Variants in KDM4B observed in about 807,000 individuals in gnomAD.
KDM4B encodes lysine-specific demethylase 4B.
A neutral mutation model predicts 125.2 loss-of-function variants in KDM4B; 32 were observed. That is an observed-to-expected ratio of 0.26 (90% CI 0.19 to 0.34). The LOEUF is 0.34. KDM4B is among the 10% of genes least tolerant of loss of function. The pLI is 1.00. For synonymous variants in KDM4B, 721 were observed against 677.9 expected, an observed-to-expected ratio of 1.06 and a Z score of -0.99; for missense variants, 1,190 against 1,577.7, an observed-to-expected ratio of 0.75 and a Z score of 4.16.
At chr19:5,044,354 G>A (rs541866683) in intron 5 of KDM4B, among the ~76,000 whole-genome samples, 51 of 90,432 alleles carry the variant, frequency 5.6e-4, no homozygotes, top group African/African-American at 2.0e-3. Context: ...GGTGTTTATC[G>A]GAGTGGGGTG....
At chr19:5,093,984 G>T (rs902473497) in intron 9 of KDM4B, among the ~76,000 whole-genome samples, 7 of 152,234 alleles carry the variant, frequency 4.6e-5, no homozygotes, top group Non-Finnish European at 1.0e-4. Flanking sequence ...CAGTTCTGGA[G>T]GCAGAGGCTG....
At chr19:5,022,957 A>G (rs1245223269) in intron 2 of KDM4B, among the ~76,000 whole-genome samples, 1 of 152,096 alleles carries the variant, frequency 6.6e-6, no homozygotes, top group Non-Finnish European at 1.5e-5. Context: ...TGGTGGACTG[A>G]ATGATGGTCC....
At chr19:5,051,798 G>A (rs924603163) in intron 6 of KDM4B, among the ~76,000 whole-genome samples, 3 of 152,368 alleles carry the variant, frequency 2.0e-5, no homozygotes, top group Middle Eastern at 3.4e-3. Flanking sequence ...ACCTGCCCAT[G>A]ACCCGCGGCA....
chr19:5,107,980 G>T (rs1358592220), intron 9 of KDM4B, among the ~76,000 whole-genome samples: 1 of 152,218 alleles, frequency 6.6e-6, no homozygotes, highest in Non-Finnish European at 1.5e-5. Context: ...CCTCCTTCCA[G>T]TCCAGCCGTG....
chr19:5,084,724 G>C (rs1192741467), intron 9 of KDM4B, among the ~76,000 whole-genome samples: 1 of 150,560 alleles, frequency 6.6e-6, no homozygotes. Context: ...TGAGGCGGGA[G>C]GATCTCTTGA....
intron 10 of KDM4B, chr19:5,112,014 A>T (rs1249845497): frequency 1.4e-5 from 8 of 568,834 alleles, no homozygotes; most frequent in South Asian, 1.0e-4. Flanking sequence ...TGCACTTTGG[A>T]GGCCAAGGAA....
intron 5 of KDM4B, among the ~76,000 whole-genome samples, chr19:5,045,515 A>G (rs1006510637): frequency 6.6e-6 from 1 of 150,642 alleles, no homozygotes; most frequent in Non-Finnish European, 1.5e-5. Context: ...CTTCCCAAGT[A>G]GCTGGGATTA....
chr19:5,131,384 C>T lies in KDM4B; in HGVS notation c.1624C>T (p.Gln542Ter). Residue 542 changes from glutamine (Q) to a stop codon, truncating the protein, a stop_gained, in exon 12 of 23, where the codon CAG becomes TAG. Transcript: ENST00000159111. LOFTEE classifies it high-confidence loss of function. ...VPRPGKAAFN[Q>*]EHVSCQQAFE... The stretch of plus-strand genomic sequence containing the variant: ...GCGGCCGGGCAAGGCAGCCTTCAAC[C>T]AGGAGCACGTGTCCTGCCAGCAGGC... 1 of 1,611,894 alleles carries T rather than the reference C, an allele frequency of 6.2e-7. No homozygotes were observed. Among genetic ancestry groups the T allele is most frequent in the South Asian group, 1.1e-5 (1 of 91,030 alleles).
chr19:5,011,286 C>T (rs1013007332), intron 1 of KDM4B, among the ~76,000 whole-genome samples: 3 of 152,200 alleles, frequency 2.0e-5, no homozygotes, highest in East Asian at 3.9e-4. Context: ...GTTGGGGCAT[C>T]ATTGCTTCTA....
chr19:5,041,493 C>T (rs1340649853), intron 5 of KDM4B, among the ~76,000 whole-genome samples: 1 of 152,216 alleles, frequency 6.6e-6, no homozygotes, highest in Non-Finnish European at 1.5e-5. Flanking sequence ...TCACCCTGGC[C>T]CCACCTCTGG....
chr19:5,053,867 C>A (rs2037309687), intron 6 of KDM4B, among the ~76,000 whole-genome samples: 1 of 152,276 alleles, frequency 6.6e-6, no homozygotes, highest in Non-Finnish European at 1.5e-5. Flanking sequence ...AGCGTCCCGG[C>A]TGACTGGCTC....
At chr19:5,026,320 C>T (rs971082266) in intron 2 of KDM4B, among the ~76,000 whole-genome samples, 1 of 151,918 alleles carries the variant, frequency 6.6e-6, no homozygotes, top group Non-Finnish European at 1.5e-5. Flanking sequence ...CCACCACGCC[C>T]AGCCTTAAAA....
At chr19:5,089,353 G>A (rs1408551418) in intron 9 of KDM4B, among the ~76,000 whole-genome samples, 4 of 152,200 alleles carry the variant, frequency 2.6e-5, no homozygotes. Flanking sequence ...CGTGCATACC[G>A]GTTCCATGTC....
chr19:5,065,444 A>G (rs920053470), intron 6 of KDM4B, among the ~76,000 whole-genome samples: 8 of 152,246 alleles, frequency 5.3e-5, no homozygotes, highest in Non-Finnish European at 8.8e-5. Flanking sequence ...GGGGAAAATT[A>G]TATTCAAAAA....
intron 9 of KDM4B, among the ~76,000 whole-genome samples, chr19:5,095,357 C>T (rs2038799745): frequency 6.6e-6 from 1 of 152,230 alleles, no homozygotes; most frequent in South Asian, 2.1e-4. Context: ...GCTGTGTCTT[C>T]TCTCTGCCAC....
chr19:5,021,679 A>T (rs1023219904), intron 2 of KDM4B, among the ~76,000 whole-genome samples: 1 of 137,370 alleles, frequency 7.3e-6, no homozygotes, highest in Non-Finnish European at 1.5e-5. Context: ...CTCTGTTGCC[A>T]GACTGGAGTG....
intron 2 of KDM4B, among the ~76,000 whole-genome samples, chr19:5,019,000 G>A (rs955160937): frequency 3.3e-5 from 5 of 152,244 alleles, no homozygotes; most frequent in African/African-American, 9.6e-5. Flanking sequence ...ATTGGGAGTC[G>A]TGCTGCTGTG....
At chr19:5,107,820 A>T (rs1018647049) in intron 9 of KDM4B, among the ~76,000 whole-genome samples, 2 of 152,216 alleles carry the variant, frequency 1.3e-5, no homozygotes, top group Non-Finnish European at 2.9e-5. Flanking sequence ...CAGCACTCAG[A>T]AGCGACTACC....
intron 9 of KDM4B, among the ~76,000 whole-genome samples, chr19:5,104,540 C>T (rs1046482383): frequency 6.6e-6 from 1 of 151,074 alleles, no homozygotes; most frequent in African/African-American, 2.4e-5. Context: ...TTAAAACATG[C>T]TTTCAATTGT....
Sources: allele counts gnomAD v4.1 joint callset (sites outside exome capture counted in the v4.1 genomes callset), GRCh38; gene constraint gnomAD v4.1.1; transcripts MANE v1.5; gene names NCBI Gene and HGNC (gene_info 2026-07-23, HGNC 2026-07-21).